Variants in USP14 observed in about 807,000 individuals in gnomAD.
The protein encoded by USP14 is ubiquitin carboxyl-terminal hydrolase 14.
Under a neutral mutation model 76.5 loss-of-function variants are expected in USP14, and 38 were observed. That is an observed-to-expected ratio of 0.50 (90% CI 0.38 to 0.65). USP14 has a LOEUF of 0.65. USP14 is among the 30% of genes least tolerant of loss of function. The pLI, the probability that USP14 is intolerant of heterozygous loss-of-function variation, is 0.00. For synonymous variants in USP14, 192 were observed against 191.7 expected (o/e 1.00, Z -0.01); for missense variants, 467 against 586.5 (o/e 0.80, Z 2.10).
At chr18:175,513 A>G (rs1008179480) in intron 3 of USP14, among the ~76,000 whole-genome samples, 1 of 152,144 alleles carries the variant, frequency 6.6e-6, no homozygotes, top group African/African-American at 2.4e-5. Flanking sequence ...CTCTCATTTT[A>G]TCCATTAAAC....
intron 5 of USP14, among the ~76,000 whole-genome samples, chr18:180,797 C>G (rs903552347): frequency 1.3e-5 from 2 of 151,658 alleles, no homozygotes; most frequent in South Asian, 2.1e-4. Flanking sequence ...ATGGTTCACT[C>G]ACGTTACAGC....
chr18:158,615 C>T lies in USP14; in HGVS notation c.-84C>T. 6.9e-7 allele frequency: 1 copy of T among 1,450,396 alleles called. No individual in the cohort carries two copies. The highest frequency in any genetic ancestry group is 9.2e-7 in the Non-Finnish European group (1 of 1,086,632). 89.8% of individuals were successfully genotyped at this position (1,450,396 alleles called of 1,614,324 possible). The stretch of plus-strand genomic sequence containing the variant: ...CACCGCGCCTCCGCCTCGGCCGCCG[C>T]CGCAGCTGCTCCTGGTCCCCGTCCC... On this transcript the variant is annotated 5_prime_UTR_variant, in exon 1 of 16. Transcript: ENST00000261601.
At position 211,422 on chromosome 18, in the gene USP14, AC is replaced by A. The variant is rs1459810685; in HGVS notation, c.*140del. The A allele has an allele frequency of 5.7e-6, 5 of 878,978 alleles. No homozygotes were observed. Among genetic ancestry groups the A allele is most frequent in the Non-Finnish European group, 8.3e-6 (5 of 601,450 alleles). 54.4% of individuals were successfully genotyped at this position (878,978 alleles called of 1,614,324 possible). ...TTGGAACAAAAGAGGACAGAAGCAG[AC>A]CACTCTGTGCACCAACCTAAAAAAT... On this transcript the variant is annotated 3_prime_UTR_variant, in exon 16 of 16. Transcript: ENST00000261601.
intron 10 of USP14, among the ~76,000 whole-genome samples, chr18:201,266 T>C (rs746015959): frequency 1.3e-5 from 2 of 152,214 alleles, no homozygotes; most frequent in African/African-American, 2.4e-5. Flanking sequence ...CCTCTAACCA[T>C]GACCAATAAA....
intron 12 of USP14, among the ~76,000 whole-genome samples, chr18:204,102 T>A (rs186280218): frequency 6.6e-6 from 1 of 152,288 alleles, no homozygotes; most frequent in African/African-American, 2.4e-5. Context: ...TTAAATGTAG[T>A]TGAAGTATCT....
rs773014517 is a variant in USP14 at position 196,679 on chromosome 18, G to A, written c.506G>A (p.Ser169Asn). Residue 169 changes from serine to asparagine, a missense_variant, in exon 7 of 16, where the codon AGT becomes AAT. Transcript: ENST00000261601. ...GATTCCATGGATAAAACTTCTTCCA[G>A]TATTCCACCTATTATTCTACTGCAG... Reference protein sequence around the residue: ...LFDSMDKTSSSIPPIILLQFL... With the variant: ...LFDSMDKTSSNIPPIILLQFL... 19 of 1,613,902 alleles carry A rather than the reference G, an allele frequency of 1.2e-5. No homozygotes were observed. The Admixed American group carries it at 3.2e-4, about 27-fold the overall frequency.
chr18:179,988 G>A (rs1350351024), intron 4 of USP14, among the ~76,000 whole-genome samples: 3 of 151,944 alleles, frequency 2.0e-5, no homozygotes, highest in Non-Finnish European at 4.4e-5. Context: ...GGCAAGACTA[G>A]TATGATTATT....
intron 3 of USP14, among the ~76,000 whole-genome samples, chr18:167,736 G>A (rs1247784721): frequency 2.0e-5 from 3 of 151,842 alleles, no homozygotes; most frequent in Non-Finnish European, 4.4e-5. Flanking sequence ...GGCTGGTCTT[G>A]AACTCCAGGG....
intron 5 of USP14, among the ~76,000 whole-genome samples, chr18:188,594 C>G (rs1261791262): frequency 1.8e-5 from 2 of 109,154 alleles, no homozygotes; most frequent in African/African-American, 7.0e-5. Flanking sequence ...CTTTTATTTT[C>G]TTTCATGTTT....
At chr18:180,171 A>G in intron 4 of USP14, 65 bp from the exon 5 acceptor site, 1 of 821,176 alleles carries the variant, frequency 1.2e-6, no homozygotes, top group Non-Finnish European at 1.9e-6. Flanking sequence ...TGATTTATAT[A>G]TGCCATGTCA....
chr18:180,229 C>A lies in USP14; in HGVS notation c.301-7C>A. On this transcript the variant is annotated splice_region_variant and splice_polypyrimidine_tract_variant and intron_variant, in intron 4 of 15. Coordinates refer to ENST00000261601, the MANE Select transcript of USP14 (RefSeq NM_005151.4). ...TTTAATCCTTTTTTTTTTTTTTTTC[C>A]AACTAGATGGAGTTACCATGTGGAT... The A allele has an allele frequency of 6.2e-6, 8 of 1,289,620 alleles. No homozygotes were observed. The highest frequency in any genetic ancestry group is 1.6e-5 in the African/African-American group (1 of 60,896). 79.9% of individuals were successfully genotyped at this position (1,289,620 alleles called of 1,614,324 possible). A position where few individuals can be genotyped will look rare whatever the true frequency, so the allele number is the denominator to read the frequency against.
chr18:160,927 TA>T (rs1017839442), intron 1 of USP14, among the ~76,000 whole-genome samples: 2 of 152,152 alleles, frequency 1.3e-5, no homozygotes, highest in African/African-American at 4.8e-5. Flanking sequence ...TATTTTATTT[TA>T]TTTTTTTTTA....
chr18:175,324 A>C (rs926526645), intron 3 of USP14, among the ~76,000 whole-genome samples: 16 of 152,258 alleles, frequency 1.1e-4, no homozygotes, highest in African/African-American at 3.1e-4. Context: ...AGTGGTTGAT[A>C]GTGGACATCA....
chr18:209,938 A>C (rs774770689), intron 13 of USP14, 33 bp from the exon 14 acceptor site: 26 of 1,513,300 alleles, frequency 1.7e-5, no homozygotes, highest in Non-Finnish European at 2.3e-5. Context: ...TTCCAAAATC[A>C]TGATTTAAAA....
At chr18:182,786 G>A (rs1250322493) in intron 5 of USP14, among the ~76,000 whole-genome samples, 1 of 152,160 alleles carries the variant, frequency 6.6e-6, no homozygotes, top group Non-Finnish European at 1.5e-5. Flanking sequence ...GTGTGAGAGT[G>A]GACTGGAGGA....
chr18:209,871 C>A, intron 13 of USP14, 100 bp from the exon 14 acceptor site: 2 of 838,874 alleles, frequency 2.4e-6, no homozygotes, highest in Non-Finnish European at 3.7e-6. Context: ...TGTCTCTGTG[C>A]ACTGTAGACA....
At chr18:204,826 C>G in intron 13 of USP14, 134 bp downstream of exon 13, 1 of 756,856 alleles carries the variant, frequency 1.3e-6, no homozygotes. Flanking sequence ...TTGGATCAAT[C>G]TGTATTACAA....
At chr18:192,536 A>C (rs766873547) in intron 5 of USP14, among the ~76,000 whole-genome samples, 1 of 152,168 alleles carries the variant, frequency 6.6e-6, no homozygotes, top group Non-Finnish European at 1.5e-5. Flanking sequence ...TTGCACTCCA[A>C]CCTGGGCGAC....
At chr18:168,860 C>CA (rs201096026) in intron 3 of USP14, among the ~76,000 whole-genome samples, 10,151 of 147,962 alleles carry the variant, frequency 0.069, 686 homozygotes, top group East Asian at 0.31. Flanking sequence ...ATCACGAAGT[C>CA]GGAGATCGAG....
Sources: allele counts gnomAD v4.1 joint callset (sites outside exome capture counted in the v4.1 genomes callset), GRCh38; gene constraint gnomAD v4.1.1; transcripts MANE v1.5; gene names NCBI Gene and HGNC (gene_info 2026-07-23, HGNC 2026-07-21).